SMOC2: variants seen among roughly 807,000 people sequenced by gnomAD.
SMOC2 encodes SPARC-related modular calcium-binding protein 2.
Under a neutral mutation model 61.4 loss-of-function variants are expected in SMOC2, and 39 were observed. The observed-to-expected ratio is 0.64, with a 90% CI of 0.49 to 0.83. SMOC2 has a LOEUF of 0.83. Ranked by LOEUF, SMOC2 falls within the 40% of genes least tolerant of loss-of-function variation. SMOC2 has a pLI of 0.00. For synonymous variants in SMOC2, 247 were observed against 239.9 expected (o/e 1.03, Z -0.27); for missense variants, 556 against 592.9 (o/e 0.94, Z 0.65).
intron 7 of SMOC2, among the ~76,000 whole-genome samples, chr6:168,589,937 G>T (rs1398046718): frequency 4.8e-5 from 3 of 62,044 alleles, no homozygotes; most frequent in Non-Finnish European, 9.8e-5. Context: ...TGAGTTTAGG[G>T]GGCAGCCGGT....
At chr6:168,614,374 G>GA (rs1785990120) in intron 9 of SMOC2, among the ~76,000 whole-genome samples, 1 of 90,774 alleles carries the variant, frequency 1.1e-5, no homozygotes, top group Non-Finnish European at 2.1e-5. Flanking sequence ...GCCAGCACAG[G>GA]GCCTCTTCAT....
rs1787703145 is a variant in SMOC2, at chr6:168,667,939, C to T, written c.*1501C>T. The T allele has an allele frequency of 6.6e-6, 1 of 152,074 alleles. No individual in the cohort carries two copies. Among genetic ancestry groups the T allele is most frequent in the Non-Finnish European group, 1.5e-5 (1 of 68,000 alleles). The allele number at this position is 152,074 out of a possible 1,614,324, so 9.4% of individuals were successfully genotyped here. Reference sequence around the variant, plus strand: ...TTTGGATAATCTTTTATATTTCTGACCTTTGAATTTAATCATTGTTCTTAG... The same window carrying T: ...TTTGGATAATCTTTTATATTTCTGATCTTTGAATTTAATCATTGTTCTTAG... On this transcript the variant is annotated 3_prime_UTR_variant, in exon 13 of 13. Transcript: ENST00000356284.
At chr6:168,599,581 A>ACACATACCCACACACACATACCCC (rs1785466089) in intron 8 of SMOC2, among the ~76,000 whole-genome samples, 1 of 31,626 alleles carries the variant, frequency 3.2e-5, no homozygotes, top group Non-Finnish European at 4.9e-5. Context: ...CACTCATACC[A>ACACATACCCACACACACATACCCC]CACACACCCA....
intron 1 of SMOC2, among the ~76,000 whole-genome samples, chr6:168,499,522 C>T (rs1346692963): frequency 6.6e-6 from 1 of 152,138 alleles, no homozygotes; most frequent in Non-Finnish European, 1.5e-5. Context: ...GCAGATGGGG[C>T]AGTGATGAGA....
chr6:168,447,753 T>G (rs370537853), intron 1 of SMOC2, among the ~76,000 whole-genome samples: 6 of 151,878 alleles, frequency 4.0e-5, no homozygotes, highest in African/African-American at 1.5e-4. Flanking sequence ...AGGTCACCAT[T>G]AGGCCCATCT....
chr6:168,469,593 A>T (rs865951164), intron 1 of SMOC2, among the ~76,000 whole-genome samples: 7 of 152,378 alleles, frequency 4.6e-5, no homozygotes, highest in South Asian at 2.1e-4. Context: ...ATCATCGTGC[A>T]AACCCAGGCT....
chr6:168,661,655 C>T (rs566491150), intron 11 of SMOC2, among the ~76,000 whole-genome samples: 5 of 152,120 alleles, frequency 3.3e-5, no homozygotes, highest in Non-Finnish European at 7.4e-5. Flanking sequence ...TAATTTACAG[C>T]TACTTCTTTT....
intron 9 of SMOC2, among the ~76,000 whole-genome samples, chr6:168,612,641 A>G (rs934794850): frequency 1.3e-5 from 2 of 152,230 alleles, no homozygotes; most frequent in African/African-American, 4.8e-5. Flanking sequence ...ATCAGTCCTC[A>G]GGGCCCCTTC....
chr6:168,453,544 C>T lies in SMOC2; in HGVS notation c.84+12090C>T, dbSNP rs1030782605. 6.6e-6 allele frequency among the ~76,000 whole-genome samples: 1 copy of T among 151,916 alleles called. No individual in the cohort carries two copies. Among genetic ancestry groups the T allele is most frequent in the African/African-American group, 2.4e-5 (1 of 41,344 alleles). The stretch of plus-strand genomic sequence containing the variant: ...TCTCTCTCTGTCTCTTTGTCTCTCT[C>T]TGTACCTGTCTCTCTGATTCTCTCA... On this transcript the variant is annotated intron_variant, in intron 1 of 12. Transcript: ENST00000356284. This position sits in a 1 kb window ranked among gnomAD's most constrained non-coding sequence, Gnocchi z 4.4.
chr6:168,459,857 G>GGT (rs1225359661), intron 1 of SMOC2, among the ~76,000 whole-genome samples: 5 of 151,698 alleles, frequency 3.3e-5, no homozygotes, highest in African/African-American at 4.9e-5. Context: ...CCCTGGGCTG[G>GGT]GTGAGCCCGG....
chr6:168,564,377 A>G (rs1784496325), intron 7 of SMOC2, among the ~76,000 whole-genome samples: 1 of 152,148 alleles, frequency 6.6e-6, no homozygotes, highest in South Asian at 2.1e-4. Context: ...ATTCTAGGGC[A>G]CTGTCTAATC....
At chr6:168,613,131 C>T (rs1406968535) in intron 9 of SMOC2, among the ~76,000 whole-genome samples, 1 of 152,184 alleles carries the variant, frequency 6.6e-6, no homozygotes, top group Non-Finnish European at 1.5e-5. Flanking sequence ...CTCACATTTT[C>T]GTCATTGTGA....
intron 8 of SMOC2, among the ~76,000 whole-genome samples, chr6:168,603,102 A>G (rs888365709): frequency 2.0e-4 from 29 of 144,910 alleles, no homozygotes; most frequent in Non-Finnish European, 1.7e-4. Context: ...ATGGTTTTAT[A>G]CGTGTCTGAC....
chr6:168,514,423 G>A (rs1280495943), intron 2 of SMOC2, among the ~76,000 whole-genome samples: 1 of 152,250 alleles, frequency 6.6e-6, no homozygotes, highest in South Asian at 2.1e-4. Context: ...GGAAACCGCA[G>A]GGCCATGGGT....
intron 7 of SMOC2, among the ~76,000 whole-genome samples, chr6:168,595,617 G>C (rs1785309902): frequency 6.6e-6 from 1 of 152,154 alleles, no homozygotes; most frequent in Admixed American, 6.5e-5. Flanking sequence ...AAAGAAAATG[G>C]AATTGCATTT....
chr6:168,629,822 T>G (rs1786519886), intron 9 of SMOC2, among the ~76,000 whole-genome samples: 1 of 152,220 alleles, frequency 6.6e-6, no homozygotes, highest in South Asian at 2.1e-4. Flanking sequence ...GAATAGTATA[T>G]TTTTAAAGCT....
chr6:168,496,767 C>T (rs1375728151), intron 1 of SMOC2, among the ~76,000 whole-genome samples: 1 of 152,178 alleles, frequency 6.6e-6, no homozygotes, highest in Non-Finnish European at 1.5e-5. Flanking sequence ...GCGTGGGGAC[C>T]CTTCTGAGTG....
At chr6:168,522,049 A>T (rs2115068498) in intron 2 of SMOC2, among the ~76,000 whole-genome samples, 1 of 152,346 alleles carries the variant, frequency 6.6e-6, no homozygotes, top group Non-Finnish European at 1.5e-5. Flanking sequence ...AATTAGAAGG[A>T]GATTAACACT....
chr6:168,582,843 G>A (rs1401655344), intron 7 of SMOC2, among the ~76,000 whole-genome samples: 3 of 152,206 alleles, frequency 2.0e-5, no homozygotes, highest in African/African-American at 4.8e-5. Context: ...CCCGGGGGCC[G>A]AGGGTCTTTC....
Sources: allele counts gnomAD v4.1 joint callset (sites outside exome capture counted in the v4.1 genomes callset), GRCh38; gene constraint gnomAD v4.1.1; non-coding constraint Gnocchi (gnomAD v3.1); transcripts MANE v1.5; gene names NCBI Gene and HGNC (gene_info 2026-07-23, HGNC 2026-07-21).